CD58: variants seen among roughly 807,000 people sequenced by gnomAD.
CD58 encodes the protein CD58 molecule.
A neutral mutation model predicts 27.6 loss-of-function variants in CD58; 14 were observed. That is an observed-to-expected ratio of 0.51 (90% CI 0.34 to 0.79). CD58 has a LOEUF of 0.79. Among genes scored for constraint, CD58 ranks in the 30% least tolerant of loss-of-function variants. The pLI, the probability that CD58 is intolerant of heterozygous loss-of-function variation, is 0.02. For synonymous variants in CD58, 117 were observed against 103.8 expected (o/e 1.13, Z -0.77); for missense variants, 268 against 301.7 (o/e 0.89, Z 0.83).
chr1:116,544,456 A>C lies in CD58; in HGVS notation c.219T>G (p.Ala73=), dbSNP rs1400287990. The part of the protein sequence containing the change: ...VAELENSEFR[A]FSSFKNRVYL... ...AAACCCTATTTTTAAAAGATGAGAA[A>C]GCTCTGAATTCAGAATTTTCCAGTT... The change falls in exon 2 of 6, where the codon GCT becomes GCG. Residue 73 remains alanine (A), a synonymous_variant. Coordinates refer to ENST00000369489, the MANE Select transcript of CD58 (RefSeq NM_001779.3). The C allele has an allele frequency of 6.2e-7, 1 of 1,614,122 alleles. No individual in the cohort carries two copies. The highest frequency in any genetic ancestry group is 1.1e-5 in the South Asian group (1 of 91,076).
In CD58 at chr1:116,522,117, A is replaced by G. The variant is rs1657280356; in HGVS notation, c.629-134T>C. The G allele has an allele frequency of 1.7e-6, 1 of 573,932 alleles. No individual in the cohort carries two copies. The allele number at this position is 573,932 out of a possible 1,614,324, so 35.6% of individuals were successfully genotyped here. ...TAATCCACAAATCAATACCCAAAGCAGTCATTCTCAGACATAAGAACAGTG... is the reference window on the plus strand; with the variant it reads ...TAATCCACAAATCAATACCCAAAGCGGTCATTCTCAGACATAAGAACAGTG... On this transcript the variant is annotated intron_variant, in intron 3 of 5. Coordinates refer to ENST00000369489, the MANE Select transcript of CD58 (RefSeq NM_001779.3). This position sits in a 1 kb window ranked among gnomAD's most constrained non-coding sequence, Gnocchi z 4.6.
intron 1 of CD58, among the ~76,000 whole-genome samples, chr1:116,548,846 T>A (rs1327373413): frequency 6.6e-6 from 1 of 152,230 alleles, no homozygotes; most frequent in Non-Finnish European, 1.5e-5. Context: ...GAATGCTTAC[T>A]CTCTGCTGGT....
chr1:116,554,843 A>G (rs912182130), intron 1 of CD58, among the ~76,000 whole-genome samples: 1 of 152,316 alleles, frequency 6.6e-6, no homozygotes. Flanking sequence ...CTGTCTCTAA[A>G]ACTAATATCT....
intron 2 of CD58, among the ~76,000 whole-genome samples, chr1:116,539,533 G>GA (rs556693660): frequency 1.1e-3 from 168 of 151,644 alleles, no homozygotes; most frequent in Non-Finnish European, 1.4e-3. Context: ...GAAAAGAAAA[G>GA]AAAAAAAACA....
intron 1 of CD58, among the ~76,000 whole-genome samples, chr1:116,569,598 C>CTTT (rs35150803): frequency 1.9e-4 from 21 of 110,932 alleles, no homozygotes; most frequent in East Asian, 7.3e-4. Flanking sequence ...CACAGCTCAC[C>CTTT]TTTTTTTTTT....
chr1:116,568,427 T>A (rs1183156151), intron 1 of CD58, among the ~76,000 whole-genome samples: 1 of 152,202 alleles, frequency 6.6e-6, no homozygotes, highest in African/African-American at 2.4e-5. Flanking sequence ...TTTTAATTGT[T>A]CTAAAATTTC....
intron 3 of CD58, among the ~76,000 whole-genome samples, chr1:116,529,486 A>T (rs1048748795): frequency 6.6e-6 from 1 of 152,222 alleles, no homozygotes; most frequent in African/African-American, 2.4e-5. Flanking sequence ...TCCATCTCTG[A>T]GTCATCTTCT....
Position 116,532,898 on chromosome 1 carries a change from T to C in CD58, c.628+3067A>G, listed in dbSNP as rs757174748. The C allele has an allele frequency of 1.5e-4, 133 of 874,774 alleles. No individual in the cohort carries two copies. Among genetic ancestry groups the C allele is most frequent in the Middle Eastern group, 4.6e-4 (2 of 4,362 alleles). 54.2% of individuals were successfully genotyped at this position (874,774 alleles called of 1,614,324 possible). A position where few individuals can be genotyped will look rare whatever the true frequency, so the allele number is the denominator to read the frequency against. ...GAGGCCTCCCGCTACAGGCCCGGAGTCGCGACAGCCGGTCTGCCAGGCGCC... is the reference window on the plus strand; with the variant it reads ...GAGGCCTCCCGCTACAGGCCCGGAGCCGCGACAGCCGGTCTGCCAGGCGCC... On this transcript the variant is annotated intron_variant, in intron 3 of 5. Coordinates refer to ENST00000369489, the MANE Select transcript of CD58 (RefSeq NM_001779.3). This position sits in a 1 kb window ranked among gnomAD's most constrained non-coding sequence, Gnocchi z 5.1.
At position 116,519,962 on chromosome 1, in the gene CD58, T is replaced by C. The variant is rs1244923058; in HGVS notation, c.707-695A>G. Among the ~76,000 whole-genome samples, 1 of 152,214 alleles carries C rather than the reference T, an allele frequency of 6.6e-6. No homozygotes were observed. Among genetic ancestry groups the C allele is most frequent in the Admixed American group, 6.5e-5 (1 of 15,282 alleles). ...GCTAGTGGTTCAGAAGCTTAGTCAA[T>C]AGGGTTGACTAGAGCTTATAAAGTT... On this transcript the variant is annotated intron_variant, in intron 4 of 5. Transcript: ENST00000369489. This position sits in a 1 kb window ranked among gnomAD's most constrained non-coding sequence, Gnocchi z 4.7.
chr1:116,550,348 T>C lies in CD58; in HGVS notation c.71-5744A>G, dbSNP rs1658349511. On this transcript the variant is annotated intron_variant, in intron 1 of 5. Transcript: ENST00000369489. This position sits in a 1 kb window ranked among gnomAD's most constrained non-coding sequence, Gnocchi z 4.2. ...TTTATCAACTAAATTTATGTAATACTCTTAACCCTTTGTTGTCATTTAAAC... is the reference window on the plus strand; with the variant it reads ...TTTATCAACTAAATTTATGTAATACCCTTAACCCTTTGTTGTCATTTAAAC... 1.3e-5 allele frequency among the ~76,000 whole-genome samples: 2 copies of C among 152,368 alleles called. No individual in the cohort carries two copies. The highest frequency in any genetic ancestry group is 2.9e-5 in the Non-Finnish European group (2 of 68,034).
chr1:116,538,596 C>T lies in CD58; in HGVS notation c.365-2368G>A, dbSNP rs771441378. ...ATACAGATTCCTGAGCCCCACCATC[C>T]CAGGTGCTTCTGATGTATGTGGCCT... On this transcript the variant is annotated intron_variant, in intron 2 of 5. Transcript: ENST00000369489. This position sits in a 1 kb window ranked among gnomAD's most constrained non-coding sequence, Gnocchi z 4.7. 3.3e-5 allele frequency among the ~76,000 whole-genome samples: 5 copies of T among 152,178 alleles called. No individual in the cohort carries two copies. The highest frequency in any genetic ancestry group is 5.9e-5 in the Non-Finnish European group (4 of 68,022).
At chr1:116,539,533 G>T (rs1378447092) in intron 2 of CD58, among the ~76,000 whole-genome samples, 2 of 151,526 alleles carry the variant, frequency 1.3e-5, no homozygotes, top group Non-Finnish European at 2.9e-5. Context: ...GAAAAGAAAA[G>T]AAAAAAAACA....
rs967868152 is a variant in CD58 at position 116,552,898 on chromosome 1, G to C, written c.71-8294C>G. On this transcript the variant is annotated intron_variant, in intron 1 of 5. Transcript: ENST00000369489. The surrounding 1 kb of genome is among the most constrained non-coding windows in gnomAD (Gnocchi z 4.5). ...TAAATAGATTTTTTTTATTTTAATA[G>C]AAGTTGCTGCATTGTTTACAAAAAA... Among the ~76,000 whole-genome samples the C allele has an allele frequency of 6.6e-6, 1 of 152,096 alleles. No individual in the cohort carries two copies. Among genetic ancestry groups the C allele is most frequent in the Non-Finnish European group, 1.5e-5 (1 of 68,024 alleles).
In CD58 at chr1:116,534,350, A is replaced by G. The variant is rs903462580; in HGVS notation, c.628+1615T>C. Among the ~76,000 whole-genome samples the G allele has an allele frequency of 1.3e-5, 2 of 152,232 alleles. No homozygotes were observed. The highest frequency in any genetic ancestry group is 4.8e-5 in the African/African-American group (2 of 41,448). On this transcript the variant is annotated intron_variant, in intron 3 of 5. Transcript: ENST00000369489. This position sits in a 1 kb window ranked among gnomAD's most constrained non-coding sequence, Gnocchi z 5.3. ...TGACCATCGCCCTACGGAAAAACTC[A>G]AATTCCTAAACATCTAATAAAGAGG...
Position 116,570,871 on chromosome 1 carries a change from G to A in CD58, c.70+32C>T. On this transcript the variant is annotated intron_variant, in intron 1 of 5. Coordinates refer to ENST00000369489, the MANE Select transcript of CD58 (RefSeq NM_001779.3). The surrounding 1 kb of genome is among the most constrained non-coding windows in gnomAD (Gnocchi z 6.4). ...GGGTGCTGCCCAGTACCCGCCGGCC[G>A]GCGCGGGGCCCCTGGGGCAGGCTTC... 6.6e-7 allele frequency: 1 copy of A among 1,525,598 alleles called. No individual in the cohort carries two copies. The highest frequency in any genetic ancestry group is 2.6e-5 in the East Asian group (1 of 39,150). 94.5% of individuals were successfully genotyped at this position (1,525,598 alleles called of 1,614,324 possible). A position where few individuals can be genotyped will look rare whatever the true frequency, so the allele number is the denominator to read the frequency against.
At chr1:116,544,640 C>T (rs1393586321) in intron 1 of CD58, 36 bp from the exon 2 acceptor site, 3 of 1,455,470 alleles carry the variant, frequency 2.1e-6, no homozygotes. Context: ...GAAAAAACAA[C>T]ATGACTTTGG....
At position 116,563,361 on chromosome 1, in the gene CD58, G is replaced by A. The variant is rs1374765069; in HGVS notation, c.70+7542C>T. Among the ~76,000 whole-genome samples the A allele has an allele frequency of 2.0e-5, 3 of 151,972 alleles. No homozygotes were observed. Among genetic ancestry groups the A allele is most frequent in the African/African-American group, 7.3e-5 (3 of 41,344 alleles). ...TCCAGGTACACGGTGCAAGCTCTCG[G>A]TGGATCTACCATTCCGGGGTCTGGT... is the stretch of plus-strand genomic sequence containing the variant. On this transcript the variant is annotated intron_variant, in intron 1 of 5. Coordinates refer to ENST00000369489, the MANE Select transcript of CD58 (RefSeq NM_001779.3). The surrounding 1 kb of genome is among the most constrained non-coding windows in gnomAD (Gnocchi z 4.1).
At chr1:116,568,437 C>CA (rs1297795100) in intron 1 of CD58, among the ~76,000 whole-genome samples, 22 of 151,814 alleles carry the variant, frequency 1.4e-4, no homozygotes, top group Admixed American at 3.9e-4. Flanking sequence ...TCTAAAATTT[C>CA]AAAAAAAACC....
chr1:116,525,193 T>G (rs1450294683), intron 3 of CD58, among the ~76,000 whole-genome samples: 1 of 152,254 alleles, frequency 6.6e-6, no homozygotes, highest in African/African-American at 2.4e-5. Flanking sequence ...AACTCCTCTG[T>G]GTTCCACCTA....
Sources: gnomAD v4.1 joint callset for allele counts (sites outside exome capture counted in the v4.1 genomes callset) on GRCh38, gnomAD v4.1.1 for gene constraint, Gnocchi (gnomAD v3.1) non-coding constraint, MANE v1.5 for transcripts, NCBI Gene and HGNC (gene_info 2026-07-23, HGNC 2026-07-21) for gene names.